FAM227B: variants seen among roughly 807,000 people sequenced by gnomAD.
FAM227B encodes the protein protein FAM227B.
A neutral mutation model predicts 73.8 loss-of-function variants in FAM227B; 88 were observed. The ratio of observed to expected loss-of-function variants is 1.19; its 90% CI spans 1.00 to 1.42. The LOEUF is 1.42. Ranked by LOEUF, FAM227B falls within the 40% of genes most tolerant of loss-of-function variation. The probability of loss-of-function intolerance (pLI) is 0.00; values close to 1 mark genes in which losing one functional copy is unlikely to be tolerated. For synonymous variants in FAM227B, 210 were observed against 190.5 expected, an observed-to-expected ratio of 1.10 and a Z score of -0.84; for missense variants, 632 against 590.9, an observed-to-expected ratio of 1.07 and a Z score of -0.72.
chr15:49,405,603 A>G (rs2048458983), intron 11 of FAM227B, among the ~76,000 whole-genome samples: 1 of 152,192 alleles, frequency 6.6e-6, no homozygotes, highest in African/African-American at 2.4e-5. Flanking sequence ...CAGCTCTATC[A>G]GGTTGATTAT....
intron 11 of FAM227B, chr15:49,424,204 A>C: frequency 3.6e-6 from 4 of 1,114,324 alleles, no homozygotes; most frequent in Non-Finnish European, 5.2e-6. Context: ...TCTACAATTC[A>C]CAGATAGGAA....
chr15:49,328,414 A>G lies in FAM227B; in HGVS notation c.*154T>C. The stretch of plus-strand genomic sequence containing the variant: ...GATCTTTTAAGAATAACTTACTGAG[A>G]TTTATTGATTTGAAGATTTTAAAGA... On this transcript the variant is annotated 3_prime_UTR_variant, in exon 16 of 16. Coordinates refer to ENST00000299338, the MANE Select transcript of FAM227B (RefSeq NM_152647.3). The G allele has an allele frequency of 4.2e-6, 6 of 1,434,992 alleles. No homozygotes were observed. The highest frequency in any genetic ancestry group is 5.5e-6 in the Non-Finnish European group (6 of 1,096,740). 88.9% of individuals were successfully genotyped at this position (1,434,992 alleles called of 1,614,324 possible). A position where few individuals can be genotyped will look rare whatever the true frequency, so the allele number is the denominator to read the frequency against.
chr15:49,560,015 G>A (rs374887235), intron 9 of FAM227B, among the ~76,000 whole-genome samples: 48 of 151,862 alleles, frequency 3.2e-4, no homozygotes, highest in Admixed American at 1.6e-3. Flanking sequence ...TAGTTCCTCC[G>A]CAATGGTTCC....
intron 11 of FAM227B, among the ~76,000 whole-genome samples, chr15:49,507,593 A>G (rs2058674309): frequency 6.6e-6 from 1 of 152,166 alleles, no homozygotes; most frequent in South Asian, 2.1e-4. Flanking sequence ...TTATTAATGT[A>G]GAGTAACTGA....
chr15:49,408,221 A>G (rs921720658), intron 11 of FAM227B, among the ~76,000 whole-genome samples: 2 of 152,148 alleles, frequency 1.3e-5, no homozygotes, highest in African/African-American at 4.8e-5. Flanking sequence ...TTTTAGCTTA[A>G]TATCATTTTG....
chr15:49,565,381 C>CAAAAAAAAAAAAAAAA (rs3075974), intron 9 of FAM227B, among the ~76,000 whole-genome samples: 1 of 90,284 alleles, frequency 1.1e-5, no homozygotes. Flanking sequence ...GACTCCATCT[C>CAAAAAAAAAAAAAAAA]AAAAAAAAAA....
intron 13 of FAM227B, chr15:49,353,475 A>G (rs1567130918): frequency 6.6e-6 from 1 of 152,182 alleles, no homozygotes; most frequent in Non-Finnish European, 1.5e-5. Flanking sequence ...TTAGGCCTGT[A>G]TGTTTTGAAC....
At chr15:49,507,640 C>G (rs1478693875) in intron 11 of FAM227B, among the ~76,000 whole-genome samples, 1 of 151,478 alleles carries the variant, frequency 6.6e-6, no homozygotes, top group Admixed American at 6.6e-5. Flanking sequence ...GGACGTGGCT[C>G]AAAGGAACAG....
At chr15:49,565,306 C>A (rs181508418) in intron 9 of FAM227B, among the ~76,000 whole-genome samples, 229 of 147,184 alleles carry the variant, frequency 1.6e-3, no homozygotes, top group African/African-American at 5.5e-3. Context: ...CGCTTGAACC[C>A]GGGAGGCGGA....
intron 12 of FAM227B, among the ~76,000 whole-genome samples, chr15:49,370,103 G>C (rs2045710386): frequency 6.6e-6 from 1 of 152,126 alleles, no homozygotes; most frequent in Non-Finnish European, 1.5e-5. Context: ...CCTTGATCTT[G>C]GATTTCCCAT....
intron 10 of FAM227B, among the ~76,000 whole-genome samples, chr15:49,534,444 G>A (rs1280364586): frequency 2.0e-5 from 3 of 151,764 alleles, no homozygotes; most frequent in African/African-American, 7.2e-5. Flanking sequence ...AAGTATATAT[G>A]CACCCAACAT....
intron 11 of FAM227B, among the ~76,000 whole-genome samples, chr15:49,461,753 G>T (rs1025105253): frequency 5.3e-5 from 8 of 152,212 alleles, no homozygotes; most frequent in Non-Finnish European, 7.3e-5. Context: ...GAGATACCAT[G>T]TGAAATTCAA....
At chr15:49,531,068 GT>G (rs1278659150) in intron 10 of FAM227B, among the ~76,000 whole-genome samples, 1 of 150,316 alleles carries the variant, frequency 6.7e-6, no homozygotes, top group Non-Finnish European at 1.5e-5. Context: ...AGGCCACAGT[GT>G]TTAAGATAAT....
intron 11 of FAM227B, among the ~76,000 whole-genome samples, chr15:49,491,418 A>G (rs887662519): frequency 6.6e-6 from 1 of 151,818 alleles, no homozygotes; most frequent in African/African-American, 2.4e-5. Context: ...CTCTAACTCG[A>G]CTGTCCAATC....
chr15:49,448,688 T>TAA (rs1289363712), intron 11 of FAM227B, among the ~76,000 whole-genome samples: 2 of 151,536 alleles, frequency 1.3e-5, no homozygotes, highest in African/African-American at 2.4e-5. Context: ...TATATATATA[T>TAA]AATAAACTAT....
In FAM227B at chr15:49,617,595, A is replaced by C. The variant is rs148911623; in HGVS notation, c.-72-2352T>G. On this transcript the variant is annotated intron_variant, in intron 1 of 15. Transcript: ENST00000299338. Reference sequence around the variant, plus strand: ...TTAAATATAAACAGAGCATCAATTAAATGTGTGGCATTTTTCAGATTTGCA... The same window carrying C: ...TTAAATATAAACAGAGCATCAATTACATGTGTGGCATTTTTCAGATTTGCA... Among the ~76,000 whole-genome samples, 300 of 152,258 alleles carry C rather than the reference A, an allele frequency of 2.0e-3. 1 individual carries two copies. The highest frequency in any genetic ancestry group is 6.9e-3 in the African/African-American group (287 of 41,556).
At chr15:49,437,199 A>G (rs2051186596) in intron 11 of FAM227B, among the ~76,000 whole-genome samples, 1 of 151,568 alleles carries the variant, frequency 6.6e-6, no homozygotes. Flanking sequence ...TATACAGTTT[A>G]ATTTCAGATA....
intron 11 of FAM227B, among the ~76,000 whole-genome samples, chr15:49,464,130 G>T (rs1280997271): frequency 6.6e-6 from 1 of 152,076 alleles, no homozygotes; most frequent in Non-Finnish European, 1.5e-5. Context: ...ATGAAGGATG[G>T]GTTAGGCAGG....
chr15:49,525,946 A>G (rs1262792917), intron 10 of FAM227B, among the ~76,000 whole-genome samples: 1 of 151,908 alleles, frequency 6.6e-6, no homozygotes, highest in Non-Finnish European at 1.5e-5. Flanking sequence ...ACAGCAATAC[A>G]GTAATAGTGG....
Sources: gnomAD v4.1 joint callset for allele counts (sites outside exome capture counted in the v4.1 genomes callset) on GRCh38, gnomAD v4.1.1 for gene constraint, MANE v1.5 for transcripts, NCBI Gene and HGNC (gene_info 2026-07-23, HGNC 2026-07-21) for gene names.